Variants in MYO15B observed in about 807,000 individuals in gnomAD.
MYO15B encodes the protein myosin XVB pseudogene.
A neutral mutation model predicts 119.3 loss-of-function variants in MYO15B; 207 were observed. The observed-to-expected ratio is 1.73, with a 90% CI of 1.55 to 1.95. The LOEUF (loss-of-function observed/expected upper bound fraction) is 1.95, where lower values mean the gene tolerates loss of function less well. MYO15B is among the 30% of genes most tolerant of loss of function. MYO15B has a pLI of 0.00. For missense variants in MYO15B, 2,264 were observed against 1,203.1 expected (o/e 1.88, Z -13.04); for synonymous variants, 966 against 498.9 (o/e 1.94, Z -12.48).
chr17:75,592,976 G>A (rs901846067), intron 9 of MYO15B, 136 bp downstream of exon 9: 1 of 588,646 alleles, frequency 1.7e-6, no homozygotes, highest in South Asian at 2.1e-5. Context: ...GATCCCCACT[G>A]TGTAGATGAG....
At chr17:75,593,465 ACACGTGCCTGGATGTGGTGG>A (rs1383992809) in intron 9 of MYO15B, among the ~76,000 whole-genome samples, 2 of 151,834 alleles carry the variant, frequency 1.3e-5, no homozygotes, top group Non-Finnish European at 2.9e-5. Context: ...GGGTGTGGTG[ACACGTGCCTGGATGTGGTGG>A]CACATCCCAG....
At chr17:75,610,414 C>A (rs545885251) in intron 22 of MYO15B, among the ~76,000 whole-genome samples, 155 bp downstream of exon 22, 1 of 152,200 alleles carries the variant, frequency 6.6e-6, no homozygotes, top group Admixed American at 6.5e-5. Flanking sequence ...CTTTTCCCTC[C>A]GGCCGGGGTA....
intron 24 of MYO15B, 111 bp downstream of exon 24, chr17:75,611,769 C>G (rs1439761274): frequency 7.2e-6 from 5 of 694,096 alleles, no homozygotes; most frequent in Non-Finnish European, 1.3e-5. Context: ...CCCCTGAGCT[C>G]ATCACTTGGG....
At chr17:75,592,471 C>T (rs1014857742) in exon 8 of MYO15B, 5 of 611,640 alleles carry the variant, frequency 8.2e-6, no homozygotes, top group Non-Finnish European at 1.5e-5. Context: ...AAGCTGCTGG[C>T]AGGGCTGGAC....
At chr17:75,590,946 C>A in exon 3 of MYO15B, 1 of 547,852 alleles carries the variant, frequency 1.8e-6, no homozygotes, top group South Asian at 2.1e-5. Flanking sequence ...GAACCCCCAC[C>A]GGTCCTTGCC....
intron 47 of MYO15B, 79 bp downstream of exon 47, chr17:75,620,099 G>A: frequency 1.5e-6 from 1 of 672,548 alleles, no homozygotes; most frequent in Non-Finnish European, 2.7e-6. Flanking sequence ...CTTCCCTGTG[G>A]GGGCAGGGGC....
rs867467178 is a variant in MYO15B at position 75,589,321 on chromosome 17, A to T, written c.1264A>T (p.Lys422Ter). The T allele has an allele frequency of 1.3e-5, 4 of 319,400 alleles. No individual in the cohort carries two copies. The highest frequency in any genetic ancestry group is 2.2e-5 in the Non-Finnish European group (4 of 185,170). The allele number at this position is 319,400 out of a possible 1,614,324, so 19.8% of individuals were successfully genotyped here. A position where few individuals can be genotyped will look rare whatever the true frequency, so the allele number is the denominator to read the frequency against. The change falls in exon 1 of 64, where the codon AAG becomes TAG. Residue 422 changes from lysine to a stop codon, truncating the protein, a stop_gained. Coordinates refer to ENST00000645453, the Ensembl canonical transcript of MYO15B. LOFTEE classifies it high-confidence loss of function. The surrounding 1 kb of genome is among the most constrained non-coding windows in gnomAD (Gnocchi z 4.2). Reference sequence around the variant, plus strand: ...GGGGCGGGGTCATGGGAGAGGAAGCAAGGGGCGGGGCCGCGGGAAAGCGGA... The same window carrying T: ...GGGGCGGGGTCATGGGAGAGGAAGCTAGGGGCGGGGCCGCGGGAAAGCGGA...
intron 16 of MYO15B, 59 bp downstream of exon 16, chr17:75,602,653 CT>C: frequency 1.6e-6 from 1 of 616,450 alleles, no homozygotes; most frequent in Non-Finnish European, 2.9e-6. Context: ...CAATTCTGTC[CT>C]TTTCCCCCTG....
intron 20 of MYO15B, 25 bp from the exon 21 acceptor site, chr17:75,605,839 C>G (rs1015056455): frequency 3.0e-6 from 2 of 669,218 alleles, no homozygotes; most frequent in Non-Finnish European, 2.8e-6. Flanking sequence ...TGGCTCCTGC[C>G]TACAGCCCAC....
At chr17:75,626,724 G>T in exon 64 of MYO15B, 1 of 572,266 alleles carries the variant, frequency 1.7e-6, no homozygotes, top group South Asian at 2.1e-5. Context: ...CTCGGCTGGG[G>T]CACCTGAGGT....
exon 7 of MYO15B, chr17:75,592,256 C>G (rs1372641995): frequency 1.4e-6 from 1 of 702,874 alleles, no homozygotes; most frequent in Admixed American, 2.0e-5. Flanking sequence ...TCGTGGGAGC[C>G]TCTGTGTCTC....
In MYO15B at chr17:75,611,759, C is replaced by A; in HGVS notation, c.4504+101C>A. The A allele has an allele frequency of 4.3e-6, 3 of 695,578 alleles. No homozygotes were observed. In the South Asian group the frequency reaches 4.5e-5, roughly 10 times the overall value. 43.1% of individuals were successfully genotyped at this position (695,578 alleles called of 1,614,324 possible). ...GTTCCTCCCTCTGATGCTCCAGACT[C>A]CCCTGAGCTCATCACTTGGGTCCCT... is the stretch of plus-strand genomic sequence containing the variant. On this transcript the variant is annotated intron_variant, in intron 24 of 63. Coordinates refer to ENST00000645453, the Ensembl canonical transcript of MYO15B.
intron 22 of MYO15B, 92 bp from the exon 23 acceptor site, chr17:75,610,808 G>T (rs1471721263): frequency 1.4e-6 from 1 of 698,218 alleles, no homozygotes. Context: ...CCTCCCAGGG[G>T]CAGGAGGGGA....
At chr17:75,615,825 C>G in exon 36 of MYO15B, 1 of 702,366 alleles carries the variant, frequency 1.4e-6, no homozygotes, top group Non-Finnish European at 2.6e-6. Context: ...GCCCAGGAAG[C>G]CCCCCACACC....
At chr17:75,619,722 C>T (rs2058589112) in exon 46 of MYO15B, 1 of 702,782 alleles carries the variant, frequency 1.4e-6, no homozygotes. Context: ...CCGTGTCCCA[C>T]CGTGGGCTGC....
At chr17:75,595,790 GTC>G (rs1487052901) in intron 12 of MYO15B, among the ~76,000 whole-genome samples, 1 of 152,230 alleles carries the variant, frequency 6.6e-6, no homozygotes, top group Non-Finnish European at 1.5e-5. Context: ...GAGTCCCCCA[GTC>G]TCTCTCAGTT....
At chr17:75,619,917 C>T in exon 47 of MYO15B, 1 of 702,616 alleles carries the variant, frequency 1.4e-6, no homozygotes, top group Non-Finnish European at 2.6e-6. Context: ...CGGGGCGGCT[C>T]CACCCTGGAG....
intron 42 of MYO15B, 101 bp downstream of exon 42, chr17:75,618,023 A>G (rs2058484169): frequency 1.4e-6 from 1 of 692,366 alleles, no homozygotes; most frequent in African/African-American, 1.7e-5. Context: ...CCCTCCCCAC[A>G]GCCCACCATC....
At chr17:75,605,451 A>AC in intron 19 of MYO15B, 53 bp from the exon 20 acceptor site, 1 of 656,306 alleles carries the variant, frequency 1.5e-6, no homozygotes, top group African/African-American at 1.8e-5. Flanking sequence ...AAAAAAAAAA[A>AC]AGTGTAAAAG....
Sources: gnomAD v4.1 joint callset for allele counts (sites outside exome capture counted in the v4.1 genomes callset) on GRCh38, gnomAD v4.1.1 for gene constraint, Gnocchi (gnomAD v3.1) non-coding constraint, MANE v1.5 for transcripts, NCBI Gene and HGNC (gene_info 2026-07-23, HGNC 2026-07-21) for gene names.